Variants in PRKACB observed in about 807,000 individuals in gnomAD.
PRKACB encodes protein kinase cAMP-activated catalytic subunit beta.
A neutral mutation model predicts 51.4 loss-of-function variants in PRKACB; 16 were observed. The ratio of observed to expected loss-of-function variants is 0.31; its 90% CI spans 0.21 to 0.47. The LOEUF is 0.47. Ranked by LOEUF, PRKACB falls within the 20% of genes least tolerant of loss-of-function variation. PRKACB has a pLI of 1.00. For synonymous variants in PRKACB, 147 were observed against 154.4 expected (o/e 0.95, Z 0.35); for missense variants, 309 against 464.5 (o/e 0.67, Z 3.08).
At chr1:84,217,182 A>G (rs1673001593) in intron 9 of PRKACB, among the ~76,000 whole-genome samples, 1 of 152,238 alleles carries the variant, frequency 6.6e-6, no homozygotes, top group African/African-American at 2.4e-5. Flanking sequence ...GAGAAAGATT[A>G]GATGGATTGG....
At chr1:84,203,695 GTCTTT>G (rs1468506571) in intron 8 of PRKACB, among the ~76,000 whole-genome samples, 12 of 151,828 alleles carry the variant, frequency 7.9e-5, no homozygotes, top group Admixed American at 7.9e-4. Flanking sequence ...GTACTGCTTT[GTCTTT>G]TCTTTTCTTT....
intron 1 of PRKACB, among the ~76,000 whole-genome samples, chr1:84,082,010 A>G (rs1403882988): frequency 6.6e-6 from 1 of 152,246 alleles, no homozygotes; most frequent in Non-Finnish European, 1.5e-5. Flanking sequence ...CTTAACAACT[A>G]ACATTTTTTG....
chr1:84,176,904 G>C (rs115325956), intron 1 of PRKACB, among the ~76,000 whole-genome samples: 27 of 151,846 alleles, frequency 1.8e-4, no homozygotes, highest in African/African-American at 6.5e-4. Flanking sequence ...AAATAATGCC[G>C]GAAATTTTTC....
intron 2 of PRKACB, among the ~76,000 whole-genome samples, chr1:84,180,644 T>G (rs1479517440): frequency 1.3e-5 from 2 of 152,020 alleles, no homozygotes; most frequent in African/African-American, 4.8e-5. Context: ...GCTCAAAAGT[T>G]TTTATTTCAA....
chr1:84,216,342 G>GAAAT (rs546058312), intron 9 of PRKACB, among the ~76,000 whole-genome samples: 5 of 151,766 alleles, frequency 3.3e-5, no homozygotes, highest in South Asian at 4.2e-4. Context: ...CCGTCTCAAA[G>GAAAT]AAATAAATAA....
In PRKACB at chr1:84,226,271, TTTG is replaced by T. The variant is rs762587945; in HGVS notation, c.1072-8906_1072-8904del. On this transcript the variant is annotated intron_variant, in intron 9 of 9. Coordinates refer to ENST00000370685, the MANE Select transcript of PRKACB (RefSeq NM_182948.4). The stretch of plus-strand genomic sequence containing the variant: ...AGACTTGCCAATGGTTTGTGGGTTT[TTTG>T]TTTTTTTTTTTGGTCTCTCTAAAGA... Among the ~76,000 whole-genome samples the T allele has an allele frequency of 1.7e-3, 95 of 56,134 alleles. 5 individuals are homozygous for T. The highest frequency in any genetic ancestry group is 6.5e-3 in the Admixed American group (46 of 7,060). 36.8% of individuals were successfully genotyped at this position (56,134 alleles called of 152,430 possible). A position where few individuals can be genotyped will look rare whatever the true frequency, so the allele number is the denominator to read the frequency against.
chr1:84,224,580 C>A (rs1191727187), intron 9 of PRKACB, among the ~76,000 whole-genome samples: 1 of 152,162 alleles, frequency 6.6e-6, no homozygotes, highest in Non-Finnish European at 1.5e-5. Flanking sequence ...GCAGGGCAAT[C>A]CCCAGGCCCT....
Position 84,187,203 on chromosome 1 carries a change from CA to C in PRKACB, c.560+2027del, listed in dbSNP as rs1051046229. On this transcript the variant is annotated intron_variant, in intron 5 of 9. Transcript: ENST00000370685. ...AGAGGGACCACCAGCACAAATTAAA[CA>C]AAAAATTGTGTTAAGGATATTGTCG... Among the ~76,000 whole-genome samples, 15 of 151,582 alleles carry C rather than the reference CA, an allele frequency of 9.9e-5. 1 individual carries two copies. The highest frequency in any genetic ancestry group is 3.6e-4 in the African/African-American group (15 of 41,356).
intron 1 of PRKACB, chr1:84,174,937 G>A (rs1660726500): frequency 9.0e-7 from 1 of 1,111,760 alleles, no homozygotes; most frequent in Non-Finnish European, 1.2e-6. Flanking sequence ...TTTTATTTCT[G>A]TATATAGTAT....
chr1:84,207,741 A>AG (rs1458764568), intron 8 of PRKACB, among the ~76,000 whole-genome samples: 1 of 152,208 alleles, frequency 6.6e-6, no homozygotes, highest in Non-Finnish European at 1.5e-5. Context: ...TTCTCCTGCC[A>AG]ATAATTGCAG....
At chr1:84,217,001 C>A (rs1382988572) in intron 9 of PRKACB, among the ~76,000 whole-genome samples, 5 of 151,880 alleles carry the variant, frequency 3.3e-5, no homozygotes, top group African/African-American at 1.2e-4. Context: ...CAAAAGGCAG[C>A]AAAAAAAGAG....
upstream of PRKACB, among the ~76,000 whole-genome samples, chr1:84,141,869 G>T (rs1298583205): frequency 6.6e-6 from 1 of 152,212 alleles, no homozygotes; most frequent in South Asian, 2.1e-4. Flanking sequence ...GTAATTGGAA[G>T]CGGGGAAAAC....
chr1:84,141,647 TTAAA>T (rs1021206032), upstream of PRKACB, among the ~76,000 whole-genome samples: 68 of 152,268 alleles, frequency 4.5e-4, no homozygotes, highest in Non-Finnish European at 7.7e-4. Context: ...ATGCATTGTT[TTAAA>T]TAAAGTAATC....
At chr1:84,168,348 G>A (rs1409194396) in intron 1 of PRKACB, among the ~76,000 whole-genome samples, 2 of 151,490 alleles carry the variant, frequency 1.3e-5, no homozygotes, top group African/African-American at 4.8e-5. Context: ...GCAAAATGGA[G>A]CTTAGTCATC....
intron 1 of PRKACB, among the ~76,000 whole-genome samples, chr1:84,111,925 A>G (rs1650262909): frequency 6.6e-6 from 1 of 152,166 alleles, no homozygotes; most frequent in African/African-American, 2.4e-5. Flanking sequence ...TTTCTAATAT[A>G]AGATTGGGAA....
At chr1:84,097,637 C>T (rs1378299255) in intron 1 of PRKACB, among the ~76,000 whole-genome samples, 2 of 151,922 alleles carry the variant, frequency 1.3e-5, no homozygotes, top group African/African-American at 2.4e-5. Context: ...AACCAGGAAA[C>T]CTGGTGCTGT....
intron 9 of PRKACB, among the ~76,000 whole-genome samples, chr1:84,229,069 T>C (rs1675134135): frequency 7.2e-6 from 1 of 138,832 alleles, no homozygotes; most frequent in Non-Finnish European, 1.5e-5. Context: ...CTCCCAATGC[T>C]ATCCCTCCCC....
intron 1 of PRKACB, chr1:84,078,493 T>C: frequency 8.6e-7 from 1 of 1,159,544 alleles, no homozygotes; most frequent in Non-Finnish European, 1.2e-6. Context: ...CCGCCGGGAG[T>C]CGTTCTGGGG....
intron 1 of PRKACB, among the ~76,000 whole-genome samples, chr1:84,175,628 A>G (rs1660962414): frequency 6.6e-6 from 1 of 151,734 alleles, no homozygotes; most frequent in Admixed American, 6.6e-5. Context: ...TTAAAATCTG[A>G]TTTTTAAACT....
Sources: allele counts gnomAD v4.1 joint callset (sites outside exome capture counted in the v4.1 genomes callset), GRCh38; gene constraint gnomAD v4.1.1; transcripts MANE v1.5; gene names NCBI Gene and HGNC (gene_info 2026-07-23, HGNC 2026-07-21).